The following CTNND2 variants were observed in gnomAD, a reference collection of about 807,000 sequenced individuals.
CTNND2 encodes catenin delta-2.
In CTNND2, 22 loss-of-function variants were observed where a neutral mutation model predicts 144.4. That is an observed-to-expected ratio of 0.15 (90% confidence interval 0.11 to 0.22). The LOEUF is 0.22. Ranked by LOEUF, CTNND2 falls within the 10% of genes least tolerant of loss-of-function variation. The pLI is 1.00. For missense variants in CTNND2, 1,353 were observed against 1,618.8 expected, an observed-to-expected ratio of 0.84 and a Z score of 2.82; for synonymous variants, 751 against 695.6, an observed-to-expected ratio of 1.08 and a Z score of -1.25.
chr5:11,608,978 C>A (rs537149014), intron 2 of CTNND2, among the ~76,000 whole-genome samples: 5 of 152,236 alleles, frequency 3.3e-5, no homozygotes, highest in African/African-American at 1.2e-4. Context: ...GGCATTTTTT[C>A]TTCCTCAGAT....
At chr5:11,561,149 G>T (rs1044849809) in intron 3 of CTNND2, among the ~76,000 whole-genome samples, 1 of 152,182 alleles carries the variant, frequency 6.6e-6, no homozygotes, top group Non-Finnish European at 1.5e-5. Context: ...AGAGGTTAGG[G>T]CTGGCTACTA....
At chr5:11,518,011 G>A (rs77126305) in intron 3 of CTNND2, among the ~76,000 whole-genome samples, 2,017 of 152,150 alleles carry the variant, frequency 0.013, 21 homozygotes, top group East Asian at 0.04. Context: ...GGTGGTTACC[G>A]GGCATTGGTG....
rs112402861 is a variant in CTNND2, at chr5:11,006,763, G to T, written c.3084+11211C>A. ...TCATTGTGAAGGCTGGACCATGGGA[G>T]AGCAGAAAGTGAGAAGGCAGAAGAT... is the stretch of plus-strand genomic sequence containing the variant. On this transcript the variant is annotated intron_variant, in intron 18 of 21. Coordinates refer to ENST00000304623, the MANE Select transcript of CTNND2 (RefSeq NM_001332.4). 4.1e-3 allele frequency among the ~76,000 whole-genome samples: 617 copies of T among 152,288 alleles called. 5 individuals carry two copies. The highest frequency in any genetic ancestry group is 0.012 in the African/African-American group (512 of 41,556).
At chr5:11,245,122 G>C (rs1021876429) in intron 9 of CTNND2, among the ~76,000 whole-genome samples, 1 of 152,186 alleles carries the variant, frequency 6.6e-6, no homozygotes, top group Non-Finnish European at 1.5e-5. Flanking sequence ...CAACAGGAGA[G>C]AAATGAACAA....
intron 1 of CTNND2, among the ~76,000 whole-genome samples, chr5:11,898,955 G>C (rs1404458361): frequency 6.6e-6 from 1 of 152,122 alleles, no homozygotes; most frequent in East Asian, 1.9e-4. Context: ...AAGCCCCTCT[G>C]GGTTTGATCA....
chr5:11,122,804 G>C (rs145870081), intron 12 of CTNND2, among the ~76,000 whole-genome samples: 36 of 152,016 alleles, frequency 2.4e-4, no homozygotes, highest in African/African-American at 8.7e-4. Context: ...CCAAGGCACC[G>C]TCCCGTCGAA....
chr5:11,143,787 A>AT (rs1466245324), intron 12 of CTNND2, among the ~76,000 whole-genome samples: 1 of 152,216 alleles, frequency 6.6e-6, no homozygotes, highest in Non-Finnish European at 1.5e-5. Flanking sequence ...ATTGGCTGAG[A>AT]TTTTTGCACT....
chr5:11,617,461 C>T (rs534297358), intron 2 of CTNND2, among the ~76,000 whole-genome samples: 9 of 152,312 alleles, frequency 5.9e-5, no homozygotes, highest in Non-Finnish European at 1.2e-4. Flanking sequence ...ATCCATCATT[C>T]ATTCATCATA....
At chr5:11,070,174 A>T (rs546725966) in intron 16 of CTNND2, among the ~76,000 whole-genome samples, 2 of 152,372 alleles carry the variant, frequency 1.3e-5, no homozygotes, top group African/African-American at 2.4e-5. Flanking sequence ...TATGTAGATA[A>T]GGACTTTATC....
chr5:11,368,334 G>A (rs1359157587), intron 7 of CTNND2, among the ~76,000 whole-genome samples: 1 of 152,182 alleles, frequency 6.6e-6, no homozygotes, highest in African/African-American at 2.4e-5. Flanking sequence ...CACAGCTACA[G>A]GTGACCTGAA....
At chr5:11,701,587 C>A (rs1785435091) in intron 2 of CTNND2, among the ~76,000 whole-genome samples, 1 of 152,016 alleles carries the variant, frequency 6.6e-6, no homozygotes, top group Non-Finnish European at 1.5e-5. Context: ...TGTATGAGGA[C>A]ACAATTTTAC....
intron 9 of CTNND2, among the ~76,000 whole-genome samples, chr5:11,279,166 C>T (rs1162289691): frequency 6.6e-6 from 1 of 152,116 alleles, no homozygotes; most frequent in Non-Finnish European, 1.5e-5. Flanking sequence ...AGACAAATAC[C>T]TGTTGATTTT....
intron 11 of CTNND2, among the ~76,000 whole-genome samples, chr5:11,165,877 T>TA (rs566087917): frequency 2.4e-3 from 372 of 152,210 alleles, no homozygotes; most frequent in African/African-American, 8.4e-3. Context: ...CTATCTTGGT[T>TA]AAAAAAACCC....
At chr5:11,505,541 G>A (rs1295387882) in intron 3 of CTNND2, among the ~76,000 whole-genome samples, 7 of 152,024 alleles carry the variant, frequency 4.6e-5, no homozygotes, top group Admixed American at 6.6e-5. Flanking sequence ...AAGAACAAGC[G>A]CTTCTGTTTT....
At chr5:11,846,411 C>T (rs1378373704) in intron 1 of CTNND2, among the ~76,000 whole-genome samples, 1 of 152,006 alleles carries the variant, frequency 6.6e-6, no homozygotes, top group African/African-American at 2.4e-5. Flanking sequence ...TGAAACCAGA[C>T]CCCTATCTCT....
chr5:11,711,105 G>A (rs1020097061), intron 2 of CTNND2, among the ~76,000 whole-genome samples: 6 of 151,290 alleles, frequency 4.0e-5, no homozygotes, highest in South Asian at 2.1e-4. Flanking sequence ...TCACTCTGTC[G>A]CCCAGGCTAG....
intron 6 of CTNND2, among the ~76,000 whole-genome samples, chr5:11,387,971 G>C (rs976091681): frequency 6.6e-6 from 1 of 152,000 alleles, no homozygotes; most frequent in Non-Finnish European, 1.5e-5. Flanking sequence ...TGCTGAATAC[G>C]ACTGTCTCCT....
At chr5:11,811,579 T>C (rs779721963) in intron 1 of CTNND2, among the ~76,000 whole-genome samples, 1 of 152,184 alleles carries the variant, frequency 6.6e-6, no homozygotes. Flanking sequence ...AATTCCAATT[T>C]GTTTAGACAG....
rs138020980 is a variant in CTNND2 at position 11,308,406 on chromosome 5, C to G, written c.1628+37966G>C. ...CTCTGCTGTTACAGTGCTGCAAAAGCAGCCATAGAATAACAAATAGCATGG... is the reference window on the plus strand; with the variant it reads ...CTCTGCTGTTACAGTGCTGCAAAAGGAGCCATAGAATAACAAATAGCATGG... On this transcript the variant is annotated intron_variant, in intron 9 of 21. Transcript: ENST00000304623. Among the ~76,000 whole-genome samples the G allele has an allele frequency of 3.0e-3, 463 of 152,232 alleles. 1 individual carries two copies. The highest frequency in any genetic ancestry group is 0.014 in the Middle Eastern group (4 of 294).
Sources: allele counts gnomAD v4.1 joint callset (sites outside exome capture counted in the v4.1 genomes callset), GRCh38; gene constraint gnomAD v4.1.1; transcripts MANE v1.5; gene names NCBI Gene and HGNC (gene_info 2026-07-23, HGNC 2026-07-21).